The following COX7B2 variants were observed in gnomAD, a reference collection of about 807,000 sequenced individuals.
The protein encoded by COX7B2 is cytochrome c oxidase subunit 7B2, mitochondrial.
For synonymous variants in COX7B2, 37 were observed against 32.1 expected, an observed-to-expected ratio of 1.15 and a Z score of -0.51; for missense variants, 109 against 95.9, an observed-to-expected ratio of 1.14 and a Z score of -0.57.
chr4:46,754,424 G>A (rs1715617808), intron 2 of COX7B2, among the ~76,000 whole-genome samples: 1 of 148,754 alleles, frequency 6.7e-6, no homozygotes, highest in Non-Finnish European at 1.5e-5. Context: ...GGACTTGGAT[G>A]AAGCTGGAAA....
At chr4:46,776,901 C>T (rs1390498185) in intron 2 of COX7B2, among the ~76,000 whole-genome samples, 1 of 152,140 alleles carries the variant, frequency 6.6e-6, no homozygotes, top group Non-Finnish European at 1.5e-5. Context: ...ATGGTACAGG[C>T]TGTCCTCCTC....
chr4:46,860,699 C>A (rs1360198343), intron 1 of COX7B2, among the ~76,000 whole-genome samples: 3 of 152,094 alleles, frequency 2.0e-5, no homozygotes, highest in Non-Finnish European at 4.4e-5. Context: ...TACTCTAATG[C>A]CATTTTATTT....
At chr4:46,748,732 T>C (rs928080090) in intron 2 of COX7B2, among the ~76,000 whole-genome samples, 2 of 152,196 alleles carry the variant, frequency 1.3e-5, no homozygotes, top group Non-Finnish European at 2.9e-5. Flanking sequence ...ATTCCCTTAT[T>C]ACTCTTCATG....
chr4:46,780,502 G>C (rs1426284399), intron 2 of COX7B2, among the ~76,000 whole-genome samples: 1 of 152,196 alleles, frequency 6.6e-6, no homozygotes, highest in Non-Finnish European at 1.5e-5. Context: ...GGGTGACAGA[G>C]AGAGACTACG....
At chr4:46,898,682 C>T (rs1233474670) in intron 1 of COX7B2, among the ~76,000 whole-genome samples, 2 of 152,164 alleles carry the variant, frequency 1.3e-5, no homozygotes, top group Admixed American at 6.5e-5. Flanking sequence ...GCCTCACCCT[C>T]CCAAAATGCT....
At chr4:46,825,375 A>C (rs1166982641) in intron 2 of COX7B2, among the ~76,000 whole-genome samples, 3 of 152,112 alleles carry the variant, frequency 2.0e-5, no homozygotes, top group Non-Finnish European at 4.4e-5. Flanking sequence ...GCTCAACTAA[A>C]TCATAAAAGA....
chr4:46,735,239 A>C lies in COX7B2; in HGVS notation c.-47T>G, dbSNP rs773980417. On this transcript the variant is annotated splice_region_variant and 5_prime_UTR_variant, in exon 3 of 3. Transcript: ENST00000355591. ...GCTACTGGTCTATTTTGTTGCAAAGAGGCTGGAAAGAGAGAAAAGATATGC... is the reference window on the plus strand; with the variant it reads ...GCTACTGGTCTATTTTGTTGCAAAGCGGCTGGAAAGAGAGAAAAGATATGC... 21 of 1,603,568 alleles carry C rather than the reference A, an allele frequency of 1.3e-5. No homozygotes were observed. In the South Asian group the frequency reaches 1.9e-4, roughly 15 times the overall value.
At chr4:46,773,947 C>T (rs890855224) in intron 2 of COX7B2, among the ~76,000 whole-genome samples, 1 of 152,044 alleles carries the variant, frequency 6.6e-6, no homozygotes, top group Non-Finnish European at 1.5e-5. Context: ...ATGTGCCCTC[C>T]TAATTCCCTT....
intron 2 of COX7B2, among the ~76,000 whole-genome samples, chr4:46,746,705 G>A (rs1054222236): frequency 6.6e-6 from 1 of 152,156 alleles, no homozygotes; most frequent in African/African-American, 2.4e-5. Flanking sequence ...GTGTGAGGAT[G>A]GGAACATGCA....
At chr4:46,754,585 A>C (rs1293901468) in intron 2 of COX7B2, among the ~76,000 whole-genome samples, 2 of 148,552 alleles carry the variant, frequency 1.3e-5, no homozygotes, top group African/African-American at 2.5e-5. Flanking sequence ...AGATATACCT[A>C]ATGCAAATGA....
At chr4:46,771,134 A>C (rs929194148) in intron 2 of COX7B2, among the ~76,000 whole-genome samples, 3 of 152,222 alleles carry the variant, frequency 2.0e-5, no homozygotes, top group African/African-American at 7.2e-5. Flanking sequence ...AAGTAACCCA[A>C]TTTAAAAACA....
chr4:46,758,482 T>C (rs62305168), intron 2 of COX7B2, among the ~76,000 whole-genome samples: 2 of 152,152 alleles, frequency 1.3e-5, no homozygotes, highest in Non-Finnish European at 2.9e-5. Context: ...GAAAATTTCA[T>C]ATATTTCCAT....
At chr4:46,749,455 A>G (rs894850084) in intron 2 of COX7B2, among the ~76,000 whole-genome samples, 4 of 152,150 alleles carry the variant, frequency 2.6e-5, no homozygotes, top group African/African-American at 4.8e-5. Context: ...AAGAGAAGAA[A>G]CATGACTATA....
At chr4:46,826,880 G>A (rs1307597769) in intron 2 of COX7B2, among the ~76,000 whole-genome samples, 1 of 152,046 alleles carries the variant, frequency 6.6e-6, no homozygotes, top group East Asian at 1.9e-4. Flanking sequence ...GGATGGAGGA[G>A]GGAGAGGAGC....
chr4:46,882,141 G>T (rs761573879), intron 1 of COX7B2, among the ~76,000 whole-genome samples: 2 of 152,090 alleles, frequency 1.3e-5, no homozygotes, highest in Non-Finnish European at 2.9e-5. Flanking sequence ...TATTTTTATT[G>T]TACTGTGATC....
chr4:46,773,825 G>A (rs1314563185), intron 2 of COX7B2, among the ~76,000 whole-genome samples: 1 of 148,738 alleles, frequency 6.7e-6, no homozygotes, highest in Non-Finnish European at 1.5e-5. Context: ...GCTATCTTTA[G>A]TCTATAGACT....
chr4:46,854,597 A>G (rs1399979027), intron 1 of COX7B2, among the ~76,000 whole-genome samples: 1 of 152,220 alleles, frequency 6.6e-6, no homozygotes, highest in African/African-American at 2.4e-5. Flanking sequence ...GTGCCTTAAC[A>G]CACAGTAGAC....
At chr4:46,847,462 T>C (rs1360672856) in intron 1 of COX7B2, among the ~76,000 whole-genome samples, 2 of 152,036 alleles carry the variant, frequency 1.3e-5, no homozygotes, top group African/African-American at 4.8e-5. Context: ...GAAATCCTTC[T>C]GAAGTCAAGC....
intron 2 of COX7B2, among the ~76,000 whole-genome samples, chr4:46,768,982 T>C (rs1716713082): frequency 6.6e-6 from 1 of 151,938 alleles, no homozygotes; most frequent in African/African-American, 2.4e-5. Context: ...CCTAGAAATA[T>C]ACATGATATC....
Sources: allele counts gnomAD v4.1 joint callset (sites outside exome capture counted in the v4.1 genomes callset), GRCh38; gene constraint gnomAD v4.1.1; transcripts MANE v1.5; gene names NCBI Gene and HGNC (gene_info 2026-07-23, HGNC 2026-07-21).